The following BSN variants were observed in gnomAD, a reference collection of about 807,000 sequenced individuals.
The protein encoded by BSN is protein bassoon.
BSN carries 57 observed loss-of-function variants against 264.8 expected under a neutral mutation model. That is an observed-to-expected ratio of 0.22 (90% confidence interval 0.17 to 0.27). BSN has a LOEUF of 0.27. BSN is among the 10% of genes least tolerant of loss of function. The pLI is 1.00. For synonymous variants in BSN, 2,059 were observed against 2,137.3 expected (o/e 0.96, Z 1.01); for missense variants, 4,615 against 5,232.5 (o/e 0.88, Z 3.64).
intron 1 of BSN, among the ~76,000 whole-genome samples, chr3:49,580,158 C>G (rs1018958848): frequency 1.3e-5 from 2 of 152,000 alleles, no homozygotes; most frequent in Non-Finnish European, 2.9e-5. Flanking sequence ...GTTCCTGAGG[C>G]TAGATTCAAA....
At chr3:49,632,798 A>AC (rs1388904183) in intron 2 of BSN, among the ~76,000 whole-genome samples, 2 of 151,944 alleles carry the variant, frequency 1.3e-5, no homozygotes, top group East Asian at 3.9e-4. Context: ...TCTAAAAAAA[A>AC]AGTGGGGGGG....
chr3:49,619,205 C>T (rs1055985011), intron 1 of BSN, among the ~76,000 whole-genome samples: 3 of 152,352 alleles, frequency 2.0e-5, no homozygotes, highest in Admixed American at 1.3e-4. Flanking sequence ...CTAGCCCAGC[C>T]CCACTCTGTG....
intron 3 of BSN, among the ~76,000 whole-genome samples, chr3:49,650,402 C>T (rs1161488779): frequency 6.6e-6 from 1 of 152,164 alleles, no homozygotes; most frequent in Non-Finnish European, 1.5e-5. Flanking sequence ...TTGTTACTTG[C>T]ATTCTGACTT....
intron 1 of BSN, among the ~76,000 whole-genome samples, chr3:49,589,111 A>C (rs1302939919): frequency 1.6e-5 from 1 of 62,004 alleles, no homozygotes; most frequent in Non-Finnish European, 3.6e-5. Flanking sequence ...TTTTTAGTAG[A>C]GACGGGGTTT....
At position 49,661,973 on chromosome 3, in the gene BSN, A is replaced by G. The variant is rs1002814034; in HGVS notation, c.10128A>G (p.Glu3376=). The part of the protein sequence containing the change: ...EQKISKFSPI[E]EAKDVESDLA... ...AGATATCCAAGTTCTCGCCTATTGA[A>G]GAGGCCAAAGACGTAGAGTCAGACC... Residue 3376 remains glutamate, a synonymous_variant, in exon 6 of 12, where the codon GAA becomes GAG. Transcript: ENST00000296452. 6.2e-7 allele frequency: 1 copy of G among 1,614,004 alleles called. No individual in the cohort carries two copies. The highest frequency in any genetic ancestry group is 2.2e-5 in the East Asian group (1 of 44,880).
At chr3:49,603,849 T>C (rs528639596) in intron 1 of BSN, among the ~76,000 whole-genome samples, 2 of 152,278 alleles carry the variant, frequency 1.3e-5, no homozygotes, top group African/African-American at 2.4e-5. Context: ...TGCTCCCCAT[T>C]TTCCCCTCCC....
chr3:49,603,344 T>A (rs540054347), intron 1 of BSN, among the ~76,000 whole-genome samples: 42 of 152,304 alleles, frequency 2.8e-4, no homozygotes, highest in African/African-American at 9.9e-4. Flanking sequence ...ATGGGGCCAG[T>A]TGAAGTGGTG....
rs941648617 is a variant in BSN at position 49,625,672 on chromosome 3, C to T, written c.633+289C>T. Among the ~76,000 whole-genome samples the T allele has an allele frequency of 1.2e-4, 19 of 152,152 alleles. No individual in the cohort carries two copies. The East Asian group carries it at 2.9e-3, about 23-fold the overall frequency. On this transcript the variant is annotated intron_variant, in intron 2 of 11. Transcript: ENST00000296452. The surrounding 1 kb of genome is among the most constrained non-coding windows in gnomAD (Gnocchi z 4.4). ...AAGTTTGGTCTGGAAAAATGGCCTT[C>T]GAGAGGACCAAAGACAATCTTATGA...
chr3:49,592,467 G>C, intron 1 of BSN, among the ~76,000 whole-genome samples: 1 of 150,732 alleles, frequency 6.6e-6, no homozygotes, highest in South Asian at 2.1e-4. Context: ...AAATAATACA[G>C]AGAGGGCCGG....
chr3:49,650,593 CT>C lies in BSN; in HGVS notation c.1519-18del, dbSNP rs1559613834. 1 of 1,573,900 alleles carries C rather than the reference CT, an allele frequency of 6.4e-7. No homozygotes were observed. Among genetic ancestry groups the C allele is most frequent in the African/African-American group, 1.4e-5 (1 of 72,418 alleles). On this transcript the variant is annotated intron_variant, in intron 3 of 11. Coordinates refer to ENST00000296452, the MANE Select transcript of BSN (RefSeq NM_003458.4). Reference sequence around the variant, plus strand: ...TGTCTTTTTAATTTTCATCAACCCCCTCTCCCATTTCCTTGCAGAAAACAGA... The same window carrying C: ...TGTCTTTTTAATTTTCATCAACCCCCCTCCCATTTCCTTGCAGAAAACAGA...
intron 1 of BSN, among the ~76,000 whole-genome samples, chr3:49,612,239 C>A (rs904071532): frequency 1.3e-5 from 2 of 152,020 alleles, no homozygotes; most frequent in Non-Finnish European, 2.9e-5. Context: ...GGGTTCACGC[C>A]GTCCTCCTTC....
intron 1 of BSN, among the ~76,000 whole-genome samples, chr3:49,596,353 G>A (rs1178801122): frequency 3.9e-5 from 6 of 152,170 alleles, no homozygotes; most frequent in Non-Finnish European, 8.8e-5. Context: ...GCAGTGAGCC[G>A]AGATTGCACC....
In BSN at chr3:49,661,666, T is replaced by C; in HGVS notation, c.9821T>C (p.Val3274Ala). The change falls in exon 6 of 12, where the codon GTC (valine) becomes GCC (alanine). Residue 3274 changes from valine (V) to alanine (A), a missense_variant. By Grantham distance (64) the Val-to-Ala change is moderately conservative. This residue lies in a region of BSN where 3,415 missense variants were observed against 3,866.4 expected (regional missense o/e 0.88). Transcript: ENST00000296452. ...RPGKEPGEPG[V>A]LDGPTLPCCY... is the part of the protein sequence containing the mutation. ...GGGAAGGAGCCTGGAGAACCAGGTG[T>C]CCTTGACGGGCCCACACTGCCCTGC... 1 of 1,613,640 alleles carries C rather than the reference T, an allele frequency of 6.2e-7. No individual in the cohort carries two copies.
chr3:49,587,444 T>C (rs1315514931), intron 1 of BSN, among the ~76,000 whole-genome samples: 3 of 152,174 alleles, frequency 2.0e-5, no homozygotes, highest in Non-Finnish European at 4.4e-5. Flanking sequence ...TTGTTACTGG[T>C]GGAGGGTCTT....
At position 49,620,933 on chromosome 3, in the gene BSN, TCA is replaced by T. The variant is rs370807356; in HGVS notation, c.225-4027_225-4026del. 2.6e-5 allele frequency among the ~76,000 whole-genome samples: 4 copies of T among 151,638 alleles called. No homozygotes were observed. In the East Asian group the frequency reaches 5.8e-4, roughly 22 times the overall value. ...TCCAGCCTGGGCAACAGAAGGAGAC[TCA>T]CACACACACACACAAAAAGACTTAT... On this transcript the variant is annotated intron_variant, in intron 1 of 11. Transcript: ENST00000296452.
rs1423919567 is a variant in BSN, at chr3:49,585,185, C to G, written c.224+30359C>G. Among the ~76,000 whole-genome samples, 1 of 133,340 alleles carries G rather than the reference C, an allele frequency of 7.5e-6. No individual in the cohort carries two copies. Among genetic ancestry groups the G allele is most frequent in the Non-Finnish European group, 1.6e-5 (1 of 63,266 alleles). The allele number at this position is 133,340 out of a possible 152,430, so 87.5% of individuals were successfully genotyped here. ...GTGGGATTGATGGATCATATGGTAG[C>G]CCAATTTTTAGTTGTTTTTTTTTTA... On this transcript the variant is annotated intron_variant, in intron 1 of 11. Coordinates refer to ENST00000296452, the MANE Select transcript of BSN (RefSeq NM_003458.4). This position sits in a 1 kb window ranked among gnomAD's most constrained non-coding sequence, Gnocchi z 4.7.
Position 49,653,705 on chromosome 3 carries a change from C to A in BSN, c.4149C>A (p.Thr1383=), listed in dbSNP as rs931930831. 1.2e-6 allele frequency: 2 copies of A among 1,613,958 alleles called. No homozygotes were observed. The highest frequency in any genetic ancestry group is 1.7e-5 in the Admixed American group (1 of 60,012). ...CCCAGGGCCCTGGGACCCCAGCCAC[C>A]ACAGCTGTGGCTCCTTGTCCAGCTG... ...PFSQGPGTPA[T]TAVAPCPAGL... is the part of the protein sequence containing the mutation. Residue 1383 remains threonine (T), a synonymous_variant, in exon 5 of 12, where the codon ACC becomes ACA. Coordinates refer to ENST00000296452, the MANE Select transcript of BSN (RefSeq NM_003458.4). The surrounding 1 kb of genome is among the most constrained non-coding windows in gnomAD (Gnocchi z 6.3).
chr3:49,577,688 C>T (rs1331415528), intron 1 of BSN, among the ~76,000 whole-genome samples: 1 of 151,388 alleles, frequency 6.6e-6, no homozygotes, highest in Admixed American at 6.6e-5. Context: ...TACAGGCATG[C>T]ACCACCATGC....
Position 49,661,891 on chromosome 3 carries a change from C to T in BSN, c.10046C>T (p.Ala3349Val), listed in dbSNP as rs777054140. Reference sequence around the variant, plus strand: ...CCCAAGCATCCCTCCAAGAGCCTGGCTCCAGCTGCCATCTCCTCAAAGCGC... The same window carrying T: ...CCCAAGCATCCCTCCAAGAGCCTGGTTCCAGCTGCCATCTCCTCAAAGCGC... ...MGPKHPSKSL[A>V]PAAISSKRSK... Residue 3349 changes from alanine to valine, a missense_variant, in exon 6 of 12, where the codon GCT becomes GTT. Ala to Val is a moderately conservative substitution (Grantham distance 64). Coordinates refer to ENST00000296452, the MANE Select transcript of BSN (RefSeq NM_003458.4). The T allele has an allele frequency of 6.8e-6, 11 of 1,613,648 alleles. No homozygotes were observed. The highest frequency in any genetic ancestry group is 9.3e-6 in the Non-Finnish European group (11 of 1,180,044).
Sources: allele counts gnomAD v4.1 joint callset (sites outside exome capture counted in the v4.1 genomes callset), GRCh38; gene constraint gnomAD v4.1.1; regional missense constraint gnomAD v4.1.1; non-coding constraint Gnocchi (gnomAD v3.1); transcripts MANE v1.5; gene names NCBI Gene and HGNC (gene_info 2026-07-23, HGNC 2026-07-21).